The following BUB1B variants were observed in gnomAD, a reference collection of about 807,000 sequenced individuals.
BUB1B encodes mitotic checkpoint serine/threonine-protein kinase BUB1 beta.
Under a neutral mutation model 137.7 loss-of-function variants are expected in BUB1B, and 86 were observed. The ratio of observed to expected loss-of-function variants is 0.62; its 90% confidence interval spans 0.52 to 0.75. The LOEUF (loss-of-function observed/expected upper bound fraction) is 0.75, where lower values mean the gene tolerates loss of function less well. Ranked by LOEUF, BUB1B falls within the 30% of genes least tolerant of loss-of-function variation. The pLI is 0.00. For synonymous variants in BUB1B, 420 were observed against 417.9 expected (o/e 1.00, Z -0.06); for missense variants, 1,130 against 1,236.9 (o/e 0.91, Z 1.30).
Position 40,208,621 on chromosome 15 carries a change from T to C in BUB1B, c.2010-16T>C, listed in dbSNP as rs777497036. The C allele has an allele frequency of 5.6e-6, 9 of 1,603,408 alleles. No homozygotes were observed. The Admixed American group carries it at 1.0e-4, about 18-fold the overall frequency. On this transcript the variant is annotated splice_polypyrimidine_tract_variant and intron_variant, in intron 15 of 22. Coordinates refer to ENST00000287598, the MANE Select transcript of BUB1B (RefSeq NM_001211.6). Reference sequence around the variant, plus strand: ...TATTATTCCTATAAGAATTAACTTATTTTTGATTCTTTTAGCCCAATTATT... The same window carrying C: ...TATTATTCCTATAAGAATTAACTTACTTTTGATTCTTTTAGCCCAATTATT...
At chr15:40,164,655 C>A (rs559429137) in intron 1 of BUB1B, among the ~76,000 whole-genome samples, 2 of 146,622 alleles carry the variant, frequency 1.4e-5, no homozygotes, top group East Asian at 4.0e-4. Context: ...AAGCCCTATT[C>A]ATTTTTCTTT....
rs760805647 is a variant in BUB1B, at chr15:40,165,123, C to T, written c.106C>T (p.Arg36Trp). Reference sequence around the variant, plus strand: ...AAATGTACAACCTTTAAGGCAAGGGCGGATCATGTCCACGCTTCAGGGAGC... The same window carrying T: ...AAATGTACAACCTTTAAGGCAAGGGTGGATCATGTCCACGCTTCAGGGAGC... ...KENVQPLRQG[R>W]IMSTLQGALA... The change falls in exon 2 of 23, where the codon CGG becomes TGG. Residue 36 changes from arginine (R) to tryptophan (W), a missense_variant. Transcript: ENST00000287598. The T allele has an allele frequency of 3.7e-6, 6 of 1,614,122 alleles. No individual in the cohort carries two copies. The highest frequency in any genetic ancestry group is 1.1e-5 in the South Asian group (1 of 91,088).
At chr15:40,169,136 C>G (rs2037132856) in intron 2 of BUB1B, among the ~76,000 whole-genome samples, 1 of 152,194 alleles carries the variant, frequency 6.6e-6, no homozygotes, top group Admixed American at 6.6e-5. Context: ...TTCTTCCCCT[C>G]TATTCTAACT....
intron 16 of BUB1B, 141 bp from the exon 17 acceptor site, chr15:40,209,494 C>CTGA: frequency 1.0e-6 from 1 of 982,660 alleles, no homozygotes; most frequent in Non-Finnish European, 1.6e-6. Flanking sequence ...TCATAAACAC[C>CTGA]TGAGACAGGT....
At chr15:40,166,293 A>G (rs904472509) in intron 2 of BUB1B, 3 of 409,178 alleles carry the variant, frequency 7.3e-6, no homozygotes, top group African/African-American at 6.5e-5. Context: ...GTTGCTATGG[A>G]CATTCTTGAA....
At position 40,196,535 on chromosome 15, in the gene BUB1B, G is replaced by A. The variant is rs200485522; in HGVS notation, c.1059-10G>A. 4.6e-5 allele frequency: 74 copies of A among 1,603,696 alleles called. 1 individual carries two copies. In the East Asian group the frequency reaches 1.6e-3, roughly 34 times the overall value. ...GACCCATATGAATAATAGTAATTTT[G>A]CTTCTTTAGGACACCATGTAAAATT... On this transcript the variant is annotated splice_polypyrimidine_tract_variant and intron_variant, in intron 8 of 22. Coordinates refer to ENST00000287598, the MANE Select transcript of BUB1B (RefSeq NM_001211.6).
Position 40,183,813 on chromosome 15 carries a change from A to C in BUB1B, c.681A>C (p.Leu227=), listed in dbSNP as rs760767502. 1 of 1,614,170 alleles carries C rather than the reference A, an allele frequency of 6.2e-7. No homozygotes were observed. Among genetic ancestry groups the C allele is most frequent in the Admixed American group, 1.7e-5 (1 of 60,024 alleles). The change falls in exon 6 of 23, where the codon CTA becomes CTC. Residue 227 remains leucine, a synonymous_variant. Coordinates refer to ENST00000287598, the MANE Select transcript of BUB1B (RefSeq NM_001211.6). ...CTTCTGTACCACAACGAAGCACACTAGCTGAACTAAAGAGCAAAGGGAAAA... is the reference window on the plus strand; with the variant it reads ...CTTCTGTACCACAACGAAGCACACTCGCTGAACTAAAGAGCAAAGGGAAAA... The part of the protein sequence containing the change: ...FESSVPQRST[L]AELKSKGKKT...
intron 4 of BUB1B, among the ~76,000 whole-genome samples, chr15:40,175,643 CATA>C (rs1352549297): frequency 6.6e-6 from 1 of 152,184 alleles, no homozygotes; most frequent in Non-Finnish European, 1.5e-5. Context: ...TATATGGTCT[CATA>C]ATGTCCCTTC....
intron 4 of BUB1B, among the ~76,000 whole-genome samples, chr15:40,171,416 C>G (rs2037161316): frequency 6.6e-6 from 1 of 151,926 alleles, no homozygotes; most frequent in South Asian, 2.1e-4. Context: ...TGTGGTGGCA[C>G]AGCACCTGTA....
In BUB1B at chr15:40,217,528, A is replaced by T; in HGVS notation, c.2711A>T (p.Asn904Ile). 2 of 1,614,134 alleles carry T rather than the reference A, an allele frequency of 1.2e-6. No individual in the cohort carries two copies. The highest frequency in any genetic ancestry group is 2.2e-5 in the South Asian group (2 of 91,084). ...GATCCCTATGATTGTAACAAGAACA[A>T]TCAAGCTTTGAAGATAGTGGACTTT... ...IHDPYDCNKNNQALKIVDFSY... is the reference protein window; with the variant it reads ...IHDPYDCNKNIQALKIVDFSY... The change falls in exon 21 of 23, where the codon AAT becomes ATT. Residue 904 changes from asparagine (N) to isoleucine (I), a missense_variant. Coordinates refer to ENST00000287598, the MANE Select transcript of BUB1B (RefSeq NM_001211.6).
chr15:40,196,505 A>G (rs768595324), intron 8 of BUB1B, 40 bp from the exon 9 acceptor site: 11 of 1,504,596 alleles, frequency 7.3e-6, no homozygotes, highest in Non-Finnish European at 9.2e-6. Context: ...GATTTTTTTT[A>G]TTTTGACCCA....
intron 5 of BUB1B, among the ~76,000 whole-genome samples, chr15:40,177,388 A>G (rs552548660): frequency 6.6e-6 from 1 of 152,210 alleles, no homozygotes; most frequent in South Asian, 2.1e-4. Flanking sequence ...TCCCTGATCC[A>G]TTTTGAGTTA....
At chr15:40,194,841 C>A (rs1006232199) in intron 8 of BUB1B, among the ~76,000 whole-genome samples, 1 of 152,060 alleles carries the variant, frequency 6.6e-6, no homozygotes, top group African/African-American at 2.4e-5. Context: ...AGGTTAATTT[C>A]TTTTTATATA....
intron 15 of BUB1B, among the ~76,000 whole-genome samples, chr15:40,206,953 G>A (rs1400567265): frequency 6.6e-6 from 1 of 152,086 alleles, no homozygotes; most frequent in Non-Finnish European, 1.5e-5. Context: ...GGGACTACAG[G>A]TGCGCACCAT....
intron 2 of BUB1B, among the ~76,000 whole-genome samples, chr15:40,167,770 T>G (rs1449948677): frequency 7.2e-6 from 1 of 138,154 alleles, no homozygotes; most frequent in East Asian, 2.0e-4. Flanking sequence ...TTCTGCCTCA[T>G]TTGTTAGATT....
chr15:40,167,778 A>AT (rs35026977), intron 2 of BUB1B, among the ~76,000 whole-genome samples: 66,944 of 147,942 alleles, frequency 0.45, 16,120 homozygotes, highest in Non-Finnish European at 0.55. Context: ...CATTTGTTAG[A>AT]TTTTTTTTTT....
intron 2 of BUB1B, among the ~76,000 whole-genome samples, 153 bp downstream of exon 2, chr15:40,165,349 A>G (rs2140878658): frequency 6.6e-6 from 1 of 152,358 alleles, no homozygotes; most frequent in Non-Finnish European, 1.5e-5. Context: ...ATCACATGAC[A>G]GCTATCTGAA....
At chr15:40,200,148 G>T in intron 10 of BUB1B, 96 bp from the exon 11 acceptor site, 1 of 834,960 alleles carries the variant, frequency 1.2e-6, no homozygotes. Flanking sequence ...GTTAGTGGAT[G>T]TCTAGGGAAA....
chr15:40,212,945 C>A (rs115541215), intron 19 of BUB1B, among the ~76,000 whole-genome samples: 2 of 152,088 alleles, frequency 1.3e-5, no homozygotes, highest in Admixed American at 6.5e-5. Flanking sequence ...AGCTATACTA[C>A]CCCCACTGGA....
Sources: gnomAD v4.1 joint callset for allele counts (sites outside exome capture counted in the v4.1 genomes callset) on GRCh38, gnomAD v4.1.1 for gene constraint, MANE v1.5 for transcripts, NCBI Gene and HGNC (gene_info 2026-07-23, HGNC 2026-07-21) for gene names.